The following BRCA1 variants were observed in gnomAD, a reference collection of about 807,000 sequenced individuals.
The protein encoded by BRCA1 is breast cancer type 1 susceptibility protein.
A neutral mutation model predicts 173.7 loss-of-function variants in BRCA1; 140 were observed. That is an observed-to-expected ratio of 0.81 (90% confidence interval 0.70 to 0.93). BRCA1 has a LOEUF of 0.93. BRCA1 is among the 40% of genes least tolerant of loss of function. BRCA1 has a pLI of 0.00. For synonymous variants in BRCA1, 662 were observed against 756.0 expected (o/e 0.88, Z 2.04); for missense variants, 1,983 against 2,172.5 (o/e 0.91, Z 1.73).
chr17:43,104,003 G>C, intron 6 of BRCA1, 119 bp downstream of exon 6: 1 of 1,292,398 alleles, frequency 7.7e-7, no homozygotes. Context: ...GCTACTAAGG[G>C]GGCTAAGGCA....
chr17:43,091,870 C>A lies in BRCA1; in HGVS notation c.3661G>T (p.Glu1221Ter), dbSNP rs80357310. 1 of 1,614,162 alleles carries A rather than the reference C, an allele frequency of 6.2e-7. No individual in the cohort carries two copies. The highest frequency in any genetic ancestry group is 2.2e-5 in the East Asian group (1 of 44,878). The change falls in exon 10 of 23, where the codon GAA (glutamate) becomes TAA (stop). Residue 1221 changes from glutamate to a stop codon, truncating the protein, a stop_gained. Coordinates refer to ENST00000357654, the MANE Select transcript of BRCA1 (RefSeq NM_007294.4). LOFTEE classifies it high-confidence loss of function. ...SSEENLSSED[E>*]ELPCFQHLLF... The stretch of plus-strand genomic sequence containing the variant: ...AAGTGTTGGAAGCAGGGAAGCTCTT[C>A]ATCCTCACTAGATAAGTTCTCTTCT...
In BRCA1 at chr17:43,106,506, C is replaced by G. The variant is rs772226744; in HGVS notation, c.162G>C (p.Gln54His). 1 of 1,603,368 alleles carries G rather than the reference C, an allele frequency of 6.2e-7. No individual in the cohort carries two copies. Among genetic ancestry groups the G allele is most frequent in the South Asian group, 1.1e-5 (1 of 90,412 alleles). Residue 54 changes from glutamine to histidine, a missense_variant, in exon 4 of 23, where the codon CAG (glutamine) becomes CAC (histidine). Coordinates refer to ENST00000357654, the MANE Select transcript of BRCA1 (RefSeq NM_007294.4). ...CKFCMLKLLN[Q>H]KKGPSQCPLC... ...AAGGACACTGTGAAGGCCCTTTCTT[C>G]TGGTTGAGAAGTTTCAGCATGCAAA...
chr17:43,111,564 G>T (rs922035779), intron 3 of BRCA1, among the ~76,000 whole-genome samples: 3 of 150,786 alleles, frequency 2.0e-5, no homozygotes, highest in Admixed American at 2.0e-4. Context: ...GCTCACACTT[G>T]TAATCCCAGA....
At chr17:43,067,820 G>A (rs943168597) in intron 15 of BRCA1, 125 bp from the exon 16 acceptor site, 8 of 556,898 alleles carry the variant, frequency 1.4e-5, no homozygotes, top group Non-Finnish European at 2.4e-5. Flanking sequence ...ACGTGTCCTG[G>A]AACTATTTAA....
intron 1 of BRCA1, chr17:43,161,110 A>G (rs1389706375): frequency 6.6e-6 from 1 of 152,174 alleles, no homozygotes; most frequent in East Asian, 1.9e-4. Context: ...AGTAAGGTTA[A>G]ATTTCCTACA....
Position 43,045,329 on chromosome 17 carries a change from T to C in BRCA1, c.*349A>G. 1 of 569,782 alleles carries C rather than the reference T, an allele frequency of 1.8e-6. No homozygotes were observed. Among genetic ancestry groups the C allele is most frequent in the East Asian group, 3.6e-5 (1 of 27,564 alleles). 35.3% of individuals were successfully genotyped at this position (569,782 alleles called of 1,614,324 possible). ...ATTCTCTTGAGGCCAAGCCACTCTG[T>C]GCTTCCAGCCCTAAGCCAACAACAG... On this transcript the variant is annotated 3_prime_UTR_variant, in exon 23 of 23. Coordinates refer to ENST00000357654, the MANE Select transcript of BRCA1 (RefSeq NM_007294.4).
intron 18 of BRCA1, among the ~76,000 whole-genome samples, chr17:43,061,395 G>T (rs1229670282): frequency 1.3e-5 from 2 of 151,738 alleles, no homozygotes; most frequent in African/African-American, 4.9e-5. Flanking sequence ...CATCTTTATT[G>T]TGTATCTCCC....
At chr17:43,078,030 C>A (rs191322344) in intron 12 of BRCA1, among the ~76,000 whole-genome samples, 1 of 151,504 alleles carries the variant, frequency 6.6e-6, no homozygotes, top group South Asian at 2.1e-4. Flanking sequence ...CCACTGCGCC[C>A]GACCGTTATT....
At chr17:43,138,734 T>G (rs747445115) in intron 1 of BRCA1, 10 of 779,106 alleles carry the variant, frequency 1.3e-5, no homozygotes, top group Admixed American at 1.2e-4. Context: ...TCACGTGGAA[T>G]TTGGAATGTG....
chr17:43,115,430 G>A lies in BRCA1; in HGVS notation c.134+296C>T, dbSNP rs139405471. Among the ~76,000 whole-genome samples the A allele has an allele frequency of 3.3e-4, 50 of 151,898 alleles. No homozygotes were observed. The highest frequency in any genetic ancestry group is 1.1e-3 in the African/African-American group (46 of 41,404). ...GGTAGAAGAATCGCTTGAACTCGGG[G>A]GGCGGAGGTTGCAGTGAGCCAAGAT... is the stretch of plus-strand genomic sequence containing the variant. On this transcript the variant is annotated intron_variant, in intron 3 of 22. Coordinates refer to ENST00000357654, the MANE Select transcript of BRCA1 (RefSeq NM_007294.4).
intron 1 of BRCA1, among the ~76,000 whole-genome samples, chr17:43,165,484 T>G (rs1215542959): frequency 1.0e-3 from 2 of 2,004 alleles, no homozygotes; most frequent in Non-Finnish European, 1.2e-3. Flanking sequence ...GCATATAAAC[T>G]GTTTTTTTTT....
intron 17 of BRCA1, 104 bp from the exon 18 acceptor site, chr17:43,063,477 CAGAGG>C: frequency 1.0e-6 from 1 of 955,874 alleles, no homozygotes; most frequent in Non-Finnish European, 1.7e-6. Context: ...GGAAGAATGA[CAGAGG>C]AGAGGTCCTT....
chr17:43,135,172 AC>A (rs1231512114), intron 1 of BRCA1, among the ~76,000 whole-genome samples: 2 of 152,196 alleles, frequency 1.3e-5, no homozygotes, highest in African/African-American at 4.8e-5. Context: ...GGTTCTGCGG[AC>A]CCCGTGCACT....
intron 1 of BRCA1, among the ~76,000 whole-genome samples, chr17:43,146,588 G>A (rs2056123432): frequency 6.6e-6 from 1 of 151,950 alleles, no homozygotes; most frequent in Admixed American, 6.5e-5. Flanking sequence ...GATTACAGGC[G>A]TGAGCCATGA....
At chr17:43,103,848 T>C (rs1441830384) in intron 6 of BRCA1, among the ~76,000 whole-genome samples, 1 of 152,014 alleles carries the variant, frequency 6.6e-6, no homozygotes. Flanking sequence ...GGCTCACACC[T>C]GTAATCCCAG....
At chr17:43,125,631 C>T (rs1337751910), upstream of BRCA1, 13 of 256,108 alleles carry the variant, frequency 5.1e-5, no homozygotes, top group Admixed American at 1.5e-4. Flanking sequence ...GCCCTCTAGC[C>T]TCTACTCTTC....
At chr17:43,152,524 G>C (rs1175396597) in intron 1 of BRCA1, among the ~76,000 whole-genome samples, 1 of 151,648 alleles carries the variant, frequency 6.6e-6, no homozygotes, top group Admixed American at 6.6e-5. Context: ...TTGGAGACCA[G>C]CCTGGCCAAC....
rs758180755 is a variant in BRCA1 at position 43,093,064 on chromosome 17, T to C, written c.2467A>G (p.Arg823Gly). 6.2e-7 allele frequency: 1 copy of C among 1,613,878 alleles called. No homozygotes were observed. The highest frequency in any genetic ancestry group is 8.5e-7 in the Non-Finnish European group (1 of 1,179,998). The change falls in exon 10 of 23, where the codon AGA (arginine) becomes GGA (glycine). Residue 823 changes from arginine to glycine, a missense_variant. Physicochemically the swap from Arg to Gly is moderately radical, Grantham distance 125 (BLOSUM62 -2). Coordinates refer to ENST00000357654, the MANE Select transcript of BRCA1 (RefSeq NM_007294.4). The part of the protein sequence containing the change: ...GLIHGCSKDN[R>G]NDTEGFKYPL... Reference sequence around the variant, plus strand: ...TACTTAAAGCCTTCTGTGTCATTTCTATTATCTTTGGAACAACCATGAATT... The same window carrying C: ...TACTTAAAGCCTTCTGTGTCATTTCCATTATCTTTGGAACAACCATGAATT...
intron 1 of BRCA1, among the ~76,000 whole-genome samples, chr17:43,139,586 C>G (rs1318193511): frequency 6.6e-6 from 1 of 152,054 alleles, no homozygotes; most frequent in Non-Finnish European, 1.5e-5. Flanking sequence ...GAACTCCTGA[C>G]CTTGCGATCC....
Sources: allele counts gnomAD v4.1 joint callset (sites outside exome capture counted in the v4.1 genomes callset), GRCh38; gene constraint gnomAD v4.1.1; transcripts MANE v1.5; gene names NCBI Gene and HGNC (gene_info 2026-07-23, HGNC 2026-07-21).